KCNIP4: variants seen among roughly 807,000 people sequenced by gnomAD.
The protein encoded by KCNIP4 is potassium voltage-gated channel interacting protein 4, also known as Kv channel-interacting protein 4.
KCNIP4 carries 12 observed loss-of-function variants against 34.0 expected under a neutral mutation model. That is an observed-to-expected ratio of 0.35 (90% CI 0.23 to 0.57). KCNIP4 has a LOEUF of 0.57. Among genes scored for constraint, KCNIP4 ranks in the 20% least tolerant of loss-of-function variants. The pLI is 0.83. For missense variants in KCNIP4, 238 were observed against 311.7 expected (o/e 0.76, Z 1.78); for synonymous variants, 124 against 102.2 (o/e 1.21, Z -1.29).
intron 2 of KCNIP4, among the ~76,000 whole-genome samples, chr4:20,865,424 A>T (rs1722775726): frequency 6.6e-6 from 1 of 152,094 alleles, no homozygotes; most frequent in Non-Finnish European, 1.5e-5. Flanking sequence ...TTATTAATTA[A>T]AATTGGCAGC....
intron 1 of KCNIP4, among the ~76,000 whole-genome samples, chr4:21,134,117 C>A (rs957169137): frequency 6.6e-6 from 1 of 152,190 alleles, no homozygotes; most frequent in African/African-American, 2.4e-5. Context: ...AGACCACCCA[C>A]AGGTGACCTT....
intron 1 of KCNIP4, among the ~76,000 whole-genome samples, chr4:20,894,725 G>A (rs1446365050): frequency 1.3e-5 from 2 of 152,132 alleles, no homozygotes; most frequent in African/African-American, 4.8e-5. Context: ...CAAAAACATA[G>A]TCCTTGCTCT....
chr4:21,929,908 T>C (rs1279801690), intron 1 of KCNIP4, among the ~76,000 whole-genome samples: 1 of 152,146 alleles, frequency 6.6e-6, no homozygotes, highest in Non-Finnish European at 1.5e-5. Flanking sequence ...GTCATTCCTT[T>C]TACCTCCCTA....
intron 1 of KCNIP4, among the ~76,000 whole-genome samples, chr4:21,309,226 G>A (rs1200715975): frequency 6.6e-6 from 1 of 152,124 alleles, no homozygotes; most frequent in Admixed American, 6.5e-5. Context: ...GAAGAGAAAG[G>A]GGGCGAACTT....
chr4:21,612,447 A>G (rs759713689), intron 1 of KCNIP4, among the ~76,000 whole-genome samples: 8 of 152,238 alleles, frequency 5.3e-5, no homozygotes, highest in Non-Finnish European at 1.2e-4. Flanking sequence ...ATCCATCTCA[A>G]AAGAAATTGC....
chr4:21,367,453 G>C (rs1416324791), intron 1 of KCNIP4, among the ~76,000 whole-genome samples: 1 of 151,698 alleles, frequency 6.6e-6, no homozygotes, highest in East Asian at 1.9e-4. Flanking sequence ...GCACTGTCCT[G>C]TATGCTGGAG....
chr4:21,046,660 C>T (rs1310918912), intron 1 of KCNIP4, among the ~76,000 whole-genome samples: 4 of 151,836 alleles, frequency 2.6e-5, no homozygotes, highest in South Asian at 2.1e-4. Context: ...GGCACAACCT[C>T]GGCTCACTAC....
intron 1 of KCNIP4, among the ~76,000 whole-genome samples, chr4:21,260,109 G>C (rs879838955): frequency 6.6e-6 from 1 of 152,134 alleles, no homozygotes; most frequent in African/African-American, 2.4e-5. Context: ...CAGGAATTTA[G>C]TTCTGAGAGT....
chr4:21,273,062 C>T lies in KCNIP4; in HGVS notation c.62-390353G>A, dbSNP rs536371502. Among the ~76,000 whole-genome samples the T allele has an allele frequency of 3.9e-5, 6 of 152,214 alleles. No homozygotes were observed. The East Asian group carries it at 1.2e-3, about 29-fold the overall frequency. ...ATACTGGCAGATTCTTAAGGTACTG[C>T]TTTGTTGACAATGTAGTTGACACTA... On this transcript the variant is annotated intron_variant, in intron 1 of 8. Coordinates refer to ENST00000382152, the MANE Select transcript of KCNIP4 (RefSeq NM_025221.6).
chr4:21,837,541 A>AAAAAAAAAAG lies in KCNIP4; in HGVS notation c.61+111029_61+111030insCTTTTTTTTT, dbSNP rs1299666993. On this transcript the variant is annotated intron_variant, in intron 1 of 8. Transcript: ENST00000382152. ...AAGAGCAAAACGCTGTCAAAAAAAA[A>AAAAAAAAAAG]AAAAAAGAAAAAGAAAAAGAAAGAA... 2.7e-5 allele frequency among the ~76,000 whole-genome samples: 4 copies of AAAAAAAAAAG among 149,854 alleles called. No individual in the cohort carries two copies. The East Asian group carries it at 5.9e-4, about 22-fold the overall frequency.
intron 1 of KCNIP4, among the ~76,000 whole-genome samples, chr4:21,546,420 T>A (rs1239415030): frequency 6.6e-6 from 1 of 151,890 alleles, no homozygotes; most frequent in African/African-American, 2.4e-5. Flanking sequence ...AGAAAATAAA[T>A]CAGAGATAGC....
chr4:20,984,664 G>T (rs1319066081), intron 1 of KCNIP4, among the ~76,000 whole-genome samples: 1 of 152,196 alleles, frequency 6.6e-6, no homozygotes, highest in Non-Finnish European at 1.5e-5. Flanking sequence ...GTCACGTCGG[G>T]CGCATTATCA....
chr4:21,631,179 C>A (rs374725517), intron 1 of KCNIP4, among the ~76,000 whole-genome samples: 1 of 151,928 alleles, frequency 6.6e-6, no homozygotes, highest in East Asian at 1.9e-4. Context: ...AAGGCATGAA[C>A]TTTGTCATAT....
chr4:21,138,262 T>A (rs1228213749), intron 1 of KCNIP4, among the ~76,000 whole-genome samples: 1 of 152,220 alleles, frequency 6.6e-6, no homozygotes, highest in Non-Finnish European at 1.5e-5. Flanking sequence ...ACTCAAATAG[T>A]GTAAATATTA....
In KCNIP4 at chr4:21,250,485, A is replaced by G. The variant is rs563317523; in HGVS notation, c.62-367776T>C. ...CTGTCTCATGAAGTGGAATCCTACT[A>G]TTTGGCTGAATTTTCCTCTGGTTTT... On this transcript the variant is annotated intron_variant, in intron 1 of 8. Coordinates refer to ENST00000382152, the MANE Select transcript of KCNIP4 (RefSeq NM_025221.6). 7.9e-5 allele frequency among the ~76,000 whole-genome samples: 12 copies of G among 152,270 alleles called. 1 individual carries two copies. In the South Asian group the frequency reaches 2.3e-3, roughly 29 times the overall value.
chr4:20,944,575 C>A (rs1452889490), intron 1 of KCNIP4, among the ~76,000 whole-genome samples: 1 of 152,168 alleles, frequency 6.6e-6, no homozygotes, highest in Non-Finnish European at 1.5e-5. Flanking sequence ...TGCAAATCCA[C>A]AGAGGCTGCC....
At chr4:20,818,997 G>C (rs1447647671) in intron 3 of KCNIP4, among the ~76,000 whole-genome samples, 2 of 130,856 alleles carry the variant, frequency 1.5e-5, no homozygotes, top group African/African-American at 6.0e-5. Context: ...CGATTCTCCT[G>C]CCTCAGCCTT....
chr4:21,821,605 G>A (rs12642061), intron 1 of KCNIP4, among the ~76,000 whole-genome samples: 58,047 of 151,808 alleles, frequency 0.38, 12,658 homozygotes, highest in Non-Finnish European at 0.51. Context: ...TGTTTTAGTG[G>A]GATGAATAAA....
intron 1 of KCNIP4, among the ~76,000 whole-genome samples, chr4:21,280,519 T>C (rs1201976697): frequency 2.0e-5 from 3 of 152,194 alleles, no homozygotes; most frequent in Non-Finnish European, 2.9e-5. Context: ...CTTCTACCTT[T>C]CCCATTCCCC....
Sources: allele counts gnomAD v4.1 joint callset (sites outside exome capture counted in the v4.1 genomes callset), GRCh38; gene constraint gnomAD v4.1.1; transcripts MANE v1.5; gene names NCBI Gene and HGNC (gene_info 2026-07-23, HGNC 2026-07-21).